Variants in DNAJC13 observed in about 807,000 individuals in gnomAD.
The protein encoded by DNAJC13 is DnaJ heat shock protein family (Hsp40) member C13.
In DNAJC13, 75 loss-of-function variants were observed where a neutral mutation model predicts 290.5. The ratio of observed to expected loss-of-function variants is 0.26; its 90% CI spans 0.21 to 0.31. The LOEUF (loss-of-function observed/expected upper bound fraction) is 0.31. Ranked by LOEUF, DNAJC13 falls within the 10% of genes least tolerant of loss-of-function variation. The probability of loss-of-function intolerance (pLI) is 1.00; values close to 1 mark genes in which losing one functional copy is unlikely to be tolerated. For synonymous variants in DNAJC13, 862 were observed against 892.0 expected (o/e 0.97, Z 0.60); for missense variants, 2,260 against 2,674.5 (o/e 0.85, Z 3.42).
rs144722045 is a variant in DNAJC13, at chr3:132,515,027, A to G, written c.5485+357A>G. On this transcript the variant is annotated intron_variant, in intron 46 of 55. Transcript: ENST00000260818. ...ATGCTTAAGATACAGATGGCCTTGT[A>G]TTCAGCTTAGTGTTCAAATCTGTGT... Among the ~76,000 whole-genome samples, 3 of 152,318 alleles carry G rather than the reference A, an allele frequency of 2.0e-5. No homozygotes were observed. In the East Asian group the frequency reaches 5.8e-4, roughly 29 times the overall value.
At chr3:132,476,496 A>G (rs1934478580) in intron 22 of DNAJC13, among the ~76,000 whole-genome samples, 1 of 152,210 alleles carries the variant, frequency 6.6e-6, no homozygotes, top group South Asian at 2.1e-4. Flanking sequence ...TCAACATTGG[A>G]GGGTTACCTT....
chr3:132,436,597 C>G (rs1029452873), intron 2 of DNAJC13, among the ~76,000 whole-genome samples: 8 of 152,158 alleles, frequency 5.3e-5, no homozygotes, highest in Admixed American at 3.3e-4. Context: ...TTTTGATGAA[C>G]AGCCAAACTG....
chr3:132,446,345 C>G, intron 2 of DNAJC13, 130 bp from the exon 3 acceptor site: 1 of 600,316 alleles, frequency 1.7e-6, no homozygotes, highest in Non-Finnish European at 2.8e-6. Flanking sequence ...TATAACTAAG[C>G]TATATTTAGT....
At chr3:132,418,252 C>G (rs1938855772) in intron 1 of DNAJC13, among the ~76,000 whole-genome samples, 1 of 152,180 alleles carries the variant, frequency 6.6e-6, no homozygotes, top group Non-Finnish European at 1.5e-5. Context: ...GTCGTCTGTT[C>G]TCCAGTACTT....
chr3:132,423,501 G>A (rs1433811006), intron 1 of DNAJC13, among the ~76,000 whole-genome samples: 1 of 152,186 alleles, frequency 6.6e-6, no homozygotes, highest in Non-Finnish European at 1.5e-5. Flanking sequence ...GCTACAGAAT[G>A]TATTTTGAAT....
intron 31 of DNAJC13, among the ~76,000 whole-genome samples, chr3:132,490,072 A>G (rs867426563): frequency 3.3e-5 from 5 of 152,218 alleles, no homozygotes; most frequent in African/African-American, 1.2e-4. Flanking sequence ...GAAGAATACA[A>G]CTAGCAATTC....
chr3:132,483,640 C>A, intron 28 of DNAJC13, 63 bp downstream of exon 28: 2 of 1,494,762 alleles, frequency 1.3e-6, no homozygotes, highest in African/African-American at 1.4e-5. Flanking sequence ...AGCATAGAAT[C>A]GGTCTGGTGT....
chr3:132,484,666 T>G lies in DNAJC13; in HGVS notation c.3261T>G (p.Ile1087Met), dbSNP rs1934794463. Reference protein sequence around the residue: ...LLSDSTCLPHIIQLLLTFDPI... With the variant: ...LLSDSTCLPHMIQLLLTFDPI... Reference sequence around the variant, plus strand: ...CAGATAGCACTTGCCTTCCCCATATTATTCAGGTGAGTTATGTAATCAAAC... The same window carrying G: ...CAGATAGCACTTGCCTTCCCCATATGATTCAGGTGAGTTATGTAATCAAAC... The change falls in exon 29 of 56, where the codon ATT becomes ATG. Residue 1087 changes from isoleucine (I) to methionine (M), a missense_variant. Ile to Met is a conservative substitution (Grantham distance 10). Around this residue, in one of 3 missense-constraint regions of DNAJC13, gnomAD observed 1,494 missense variants for 1,693.7 expected, o/e 0.88. Coordinates refer to ENST00000260818, the MANE Select transcript of DNAJC13 (RefSeq NM_015268.4). 1.2e-6 allele frequency: 2 copies of G among 1,613,466 alleles called. No homozygotes were observed. The highest frequency in any genetic ancestry group is 4.5e-5 in the East Asian group (2 of 44,870).
rs567682440 is a variant in DNAJC13 at position 132,499,461 on chromosome 3, G to T, written c.4341+151G>T. 5.1e-5 allele frequency: 39 copies of T among 767,122 alleles called. No homozygotes were observed. In the African/African-American group the frequency reaches 6.9e-4, roughly 14 times the overall value. The allele number at this position is 767,122 out of a possible 1,614,324, so 47.5% of individuals were successfully genotyped here. A position where few individuals can be genotyped will look rare whatever the true frequency, so the allele number is the denominator to read the frequency against. ...TTCCATATTCTTATACCAAATTAAA[G>T]GTAGAAATGGAGCTTTATTTCACAA... On this transcript the variant is annotated intron_variant, in intron 37 of 55. Coordinates refer to ENST00000260818, the MANE Select transcript of DNAJC13 (RefSeq NM_015268.4).
intron 34 of DNAJC13, 28 bp from the exon 35 acceptor site, chr3:132,495,060 C>T (rs781048533): frequency 3.9e-6 from 6 of 1,546,954 alleles, no homozygotes. Flanking sequence ...CCTTACTATA[C>T]TCATAAAACA....
rs1464817469 is a variant in DNAJC13, at chr3:132,471,548, C to T, written c.2209-1597C>T. On this transcript the variant is annotated intron_variant, in intron 20 of 55. Coordinates refer to ENST00000260818, the MANE Select transcript of DNAJC13 (RefSeq NM_015268.4). ...CTCAGACGGGGCGGCCGGGCAGAGA[C>T]GCTCCTCACCTCCCAGATGGGGTCT... Among the ~76,000 whole-genome samples the T allele has an allele frequency of 8.7e-5, 12 of 137,868 alleles. 1 individual carries two copies. The highest frequency in any genetic ancestry group is 1.4e-4 in the African/African-American group (5 of 36,566). 90.4% of individuals were successfully genotyped at this position (137,868 alleles called of 152,430 possible).
chr3:132,499,590 A>T, intron 37 of DNAJC13, 144 bp from the exon 38 acceptor site: 1 of 754,168 alleles, frequency 1.3e-6, no homozygotes, highest in Non-Finnish European at 2.0e-6. Flanking sequence ...TCCTTTGTTT[A>T]CTATTTATTA....
In DNAJC13 at chr3:132,500,860, A is replaced by G. The variant is rs1935386185; in HGVS notation, c.4483A>G (p.Thr1495Ala). Residue 1495 changes from threonine (T) to alanine (A), a missense_variant, in exon 39 of 56, where the codon ACG becomes GCG. By Grantham distance (58) the Thr-to-Ala change is moderately conservative. Around this residue, in one of 3 missense-constraint regions of DNAJC13, gnomAD observed 1,494 missense variants for 1,693.7 expected, o/e 0.88. Transcript: ENST00000260818. ...AQFEECREKITEMPSIIKDLC... is the reference protein window; with the variant it reads ...AQFEECREKIAEMPSIIKDLC... ...GTTTGAGGAATGCCGAGAGAAGATC[A>G]CGGAAATGCCTAGCATCATCAAGGA... is the stretch of plus-strand genomic sequence containing the variant. 3 of 1,614,010 alleles carry G rather than the reference A, an allele frequency of 1.9e-6. No individual in the cohort carries two copies. The African/African-American group carries it at 4.0e-5, about 22-fold the overall frequency.
chr3:132,453,408 G>A lies in DNAJC13; in HGVS notation c.648G>A (p.Glu216=), dbSNP rs535617563. ...TCAGGAAAGAGCCTTTAGAATTCGA[G>A]CAATATTTGAATCTTCGCTTTGGAA... is the stretch of plus-strand genomic sequence containing the variant. ...LRIRKEPLEF[E]QYLNLRFGKY... is the part of the protein sequence containing the mutation. The change falls in exon 7 of 56, where the codon GAG becomes GAA. Residue 216 remains glutamate, a synonymous_variant. Coordinates refer to ENST00000260818, the MANE Select transcript of DNAJC13 (RefSeq NM_015268.4). 1 of 1,613,916 alleles carries A rather than the reference G, an allele frequency of 6.2e-7. No individual in the cohort carries two copies. The highest frequency in any genetic ancestry group is 8.5e-7 in the Non-Finnish European group (1 of 1,179,918).
chr3:132,431,522 C>G (rs1038527620), intron 1 of DNAJC13, among the ~76,000 whole-genome samples: 2 of 152,012 alleles, frequency 1.3e-5, no homozygotes, highest in African/African-American at 4.8e-5. Flanking sequence ...GGTGAGCGTT[C>G]TATGTATAGT....
chr3:132,454,372 A>C (rs1447748611), intron 9 of DNAJC13, among the ~76,000 whole-genome samples: 1 of 121,344 alleles, frequency 8.2e-6, no homozygotes, highest in Non-Finnish European at 1.6e-5. Context: ...CTCAGGCTGG[A>C]GTGCTATGGC....
chr3:132,522,796 T>A (rs757224388), intron 48 of DNAJC13, 32 bp from the exon 49 acceptor site: 7 of 1,552,184 alleles, frequency 4.5e-6, no homozygotes, highest in Non-Finnish European at 6.1e-6. Context: ...TTCCAATAGG[T>A]GTCTTTTTCA....
At chr3:132,457,012 C>T (rs1933624672) in intron 12 of DNAJC13, among the ~76,000 whole-genome samples, 180 bp downstream of exon 12, 1 of 152,106 alleles carries the variant, frequency 6.6e-6, no homozygotes, top group East Asian at 1.9e-4. Context: ...GAATATTGGT[C>T]CCATACTCAC....
intron 1 of DNAJC13, among the ~76,000 whole-genome samples, chr3:132,421,576 C>T (rs779458463): frequency 3.3e-5 from 5 of 151,394 alleles, no homozygotes; most frequent in Non-Finnish European, 7.4e-5. Context: ...GGACTACAGG[C>T]GCTTGCCACC....
Sources: gnomAD v4.1 joint callset for allele counts (sites outside exome capture counted in the v4.1 genomes callset) on GRCh38, gnomAD v4.1.1 for gene constraint, gnomAD v4.1.1 regional missense constraint, MANE v1.5 for transcripts, NCBI Gene and HGNC (gene_info 2026-07-23, HGNC 2026-07-21) for gene names.